The following TET1 variants were observed in gnomAD, a reference collection of about 807,000 sequenced individuals.
The protein encoded by TET1 is tet methylcytosine dioxygenase 1.
TET1 carries 13 observed loss-of-function variants against 148.7 expected under a neutral mutation model. The ratio of observed to expected loss-of-function variants is 0.09; its 90% CI spans 0.06 to 0.14. The LOEUF is 0.14. TET1 is among the 10% of genes least tolerant of loss of function. The pLI is 1.00. For missense variants in TET1, 2,182 were observed against 2,553.8 expected (o/e 0.85, Z 3.14); for synonymous variants, 907 against 937.2 (o/e 0.97, Z 0.59).
chr10:68,593,698 C>T (rs926336461), intron 2 of TET1, among the ~76,000 whole-genome samples: 3 of 151,878 alleles, frequency 2.0e-5, no homozygotes, highest in Non-Finnish European at 4.4e-5. Flanking sequence ...CTGCAACCTC[C>T]GCCTCTCAGG....
chr10:68,621,605 T>C (rs968799652), intron 3 of TET1, among the ~76,000 whole-genome samples: 1 of 152,138 alleles, frequency 6.6e-6, no homozygotes, highest in African/African-American at 2.4e-5. Flanking sequence ...AATAAAATTT[T>C]AAAATCTGGC....
intron 3 of TET1, among the ~76,000 whole-genome samples, chr10:68,623,435 G>A (rs1334080782): frequency 6.6e-6 from 1 of 152,186 alleles, no homozygotes; most frequent in Non-Finnish European, 1.5e-5. Flanking sequence ...CTGTTTCGAG[G>A]TAGTTAGTTT....
At chr10:68,621,827 A>G (rs1044800787) in intron 3 of TET1, among the ~76,000 whole-genome samples, 1 of 152,164 alleles carries the variant, frequency 6.6e-6, no homozygotes, top group African/African-American at 2.4e-5. Context: ...CATTCCCTAT[A>G]TCTAAAAGTT....
At chr10:68,655,869 T>C (rs983627060) in intron 6 of TET1, among the ~76,000 whole-genome samples, 4 of 152,032 alleles carry the variant, frequency 2.6e-5, no homozygotes, top group African/African-American at 4.8e-5. Flanking sequence ...AGAAGGTGAG[T>C]GGCAGGAGAG....
In TET1 at chr10:68,644,855, A is replaced by C. The variant is rs1329258987; in HGVS notation, c.2126A>C (p.Lys709Thr). 1.2e-6 allele frequency: 2 copies of C among 1,613,908 alleles called. No individual in the cohort carries two copies. The highest frequency in any genetic ancestry group is 1.1e-5 in the South Asian group (1 of 91,018). ...EDSMTGIEVE[K>T]WTQNKKSQLT... ...AGCATGACAGGCATCGAGGTGGAGAAGTGGACACAAAACAAGAAATCACAG... is the reference window on the plus strand; with the variant it reads ...AGCATGACAGGCATCGAGGTGGAGACGTGGACACAAAACAAGAAATCACAG... Residue 709 changes from lysine to threonine, a missense_variant, in exon 4 of 12, where the codon AAG becomes ACG. By Grantham distance (78) the Lys-to-Thr change is moderately conservative. This residue lies in a region of TET1 where 226 missense variants were observed against 307.4 expected (regional missense o/e 0.74). Transcript: ENST00000373644.
intron 2 of TET1, among the ~76,000 whole-genome samples, chr10:68,600,298 G>T (rs986416537): frequency 7.9e-5 from 12 of 152,134 alleles, no homozygotes; most frequent in Non-Finnish European, 1.8e-4. Flanking sequence ...CCGCCAAGAG[G>T]TTACTAATCA....
chr10:68,636,981 T>TGTATGTG (rs61255091), intron 3 of TET1, among the ~76,000 whole-genome samples: 1 of 102,360 alleles, frequency 9.8e-6, no homozygotes, highest in Non-Finnish European at 2.5e-5. Flanking sequence ...ATTTTACTCG[T>TGTATGTG]TGTGTGTGTG....
intron 3 of TET1, among the ~76,000 whole-genome samples, chr10:68,641,703 A>G (rs1240010193): frequency 1.3e-5 from 2 of 151,716 alleles, no homozygotes; most frequent in East Asian, 1.9e-4. Context: ...GGGTTTCACC[A>G]TATTGGTCAA....
At chr10:68,657,906 T>C (rs12263649) in intron 6 of TET1, among the ~76,000 whole-genome samples, 27,674 of 152,060 alleles carry the variant, frequency 0.18, 3,140 homozygotes, top group African/African-American at 0.31. Flanking sequence ...TAGAACTTTA[T>C]CATGAGGTTA....
At chr10:68,574,389 A>T in intron 2 of TET1, 137 bp downstream of exon 2, 1 of 726,772 alleles carries the variant, frequency 1.4e-6, no homozygotes, top group Non-Finnish European at 2.2e-6. Context: ...CTTTGGTACA[A>T]TGTTACTTTA....
intron 11 of TET1, among the ~76,000 whole-genome samples, chr10:68,689,045 A>G (rs72799556): frequency 0.023 from 3,431 of 152,316 alleles, 73 homozygotes; most frequent in Non-Finnish European, 0.035. Flanking sequence ...ATTTGTAAGC[A>G]TAATGTACAA....
chr10:68,564,193 G>C (rs2053583348), intron 1 of TET1, among the ~76,000 whole-genome samples: 1 of 151,300 alleles, frequency 6.6e-6, no homozygotes, highest in Non-Finnish European at 1.5e-5. Flanking sequence ...CTGTTGCCCA[G>C]GCTGGAGTGT....
At chr10:68,572,193 C>A in intron 1 of TET1, 24 bp from the exon 2 acceptor site, 1 of 630,676 alleles carries the variant, frequency 1.6e-6, no homozygotes, top group Non-Finnish European at 2.8e-6. Context: ...AGACTCACTT[C>A]AGTGTATTCT....
intron 6 of TET1, among the ~76,000 whole-genome samples, chr10:68,662,105 A>C (rs6480351): frequency 1 from 151,803 of 152,100 alleles, 75,754 homozygotes; most frequent in Middle Eastern, 1. Flanking sequence ...AAACTCCTGA[A>C]CTCAGGTGGT....
rs2055510764 is a variant in TET1 at position 68,686,459 on chromosome 10, T to G, written c.5156T>G (p.Phe1719Cys). 2 of 1,614,044 alleles carry G rather than the reference T, an allele frequency of 1.2e-6. No homozygotes were observed. Among genetic ancestry groups the G allele is most frequent in the Admixed American group, 1.7e-5 (1 of 59,992 alleles). ...PLYKLSDTDE[F>C]GSKEGMEAKI... is the part of the protein sequence containing the mutation. ...TATAAGCTTTCAGACACAGATGAGTTTGGCTCCAAGGAAGGAATGGAAGCC... is the reference window on the plus strand; with the variant it reads ...TATAAGCTTTCAGACACAGATGAGTGTGGCTCCAAGGAAGGAATGGAAGCC... Residue 1719 changes from phenylalanine (F) to cysteine (C), a missense_variant, in exon 11 of 12, where the codon TTT becomes TGT. Phe to Cys is a radical substitution (Grantham distance 205, BLOSUM62 -2). This residue lies in a region of TET1 where 380 missense variants were observed against 387.9 expected (regional missense o/e 0.98). Transcript: ENST00000373644.
intron 2 of TET1, among the ~76,000 whole-genome samples, chr10:68,590,668 C>T (rs1163013765): frequency 6.6e-6 from 1 of 151,670 alleles, no homozygotes; most frequent in Non-Finnish European, 1.5e-5. Flanking sequence ...CTCTACAAAA[C>T]ATAAAAACAA....
chr10:68,657,760 G>T (rs1453946948), intron 6 of TET1, among the ~76,000 whole-genome samples: 1 of 151,888 alleles, frequency 6.6e-6, no homozygotes, highest in East Asian at 1.9e-4. Flanking sequence ...ATCTGCTGGA[G>T]TTGTCCACCC....
intron 10 of TET1, among the ~76,000 whole-genome samples, chr10:68,683,301 C>T (rs574819647): frequency 7.9e-5 from 12 of 152,128 alleles, no homozygotes; most frequent in Admixed American, 5.9e-4. Flanking sequence ...TTTTTTGAGA[C>T]GGAGTCTCAC....
intron 2 of TET1, among the ~76,000 whole-genome samples, chr10:68,589,700 C>T (rs2053898394): frequency 7.4e-6 from 1 of 135,626 alleles, no homozygotes; most frequent in African/African-American, 2.8e-5. Context: ...AGACAAGAGT[C>T]TCACTCTGTC....
Sources: allele counts gnomAD v4.1 joint callset (sites outside exome capture counted in the v4.1 genomes callset), GRCh38; gene constraint gnomAD v4.1.1; regional missense constraint gnomAD v4.1.1; transcripts MANE v1.5; gene names NCBI Gene and HGNC (gene_info 2026-07-23, HGNC 2026-07-21).